Variants in HDHD2 observed in about 807,000 individuals in gnomAD.
HDHD2 encodes haloacid dehalogenase-like hydrolase domain-containing protein 2.
HDHD2 carries 26 observed loss-of-function variants against 24.8 expected under a neutral mutation model. The observed-to-expected ratio is 1.05, with a 90% CI of 0.77 to 1.45. HDHD2 has a LOEUF of 1.45. Ranked by LOEUF, HDHD2 falls within the 40% of genes most tolerant of loss-of-function variation. The pLI is 0.00. For synonymous variants in HDHD2, 128 were observed against 114.9 expected (o/e 1.11, Z -0.73); for missense variants, 299 against 313.4 (o/e 0.95, Z 0.35).
intron 4 of HDHD2, 144 bp from the exon 5 acceptor site, chr18:47,115,492 T>C (rs1365666707): frequency 3.5e-6 from 2 of 576,702 alleles, no homozygotes; most frequent in Non-Finnish European, 6.1e-6. Flanking sequence ...CTTGCTGTCT[T>C]CTAATGAATT....
At position 47,127,710 on chromosome 18, in the gene HDHD2, CA is replaced by C. The variant is rs1235418525; in HGVS notation, c.395+2533del. 2.2e-3 allele frequency among the ~76,000 whole-genome samples: 135 copies of C among 62,502 alleles called. 1 individual carries two copies. The highest frequency in any genetic ancestry group is 7.8e-3 in the Middle Eastern group (1 of 128). 41.0% of individuals were successfully genotyped at this position (62,502 alleles called of 152,430 possible). On this transcript the variant is annotated intron_variant, in intron 4 of 6. Coordinates refer to ENST00000300605, the MANE Select transcript of HDHD2 (RefSeq NM_032124.5). ...TGGATGACAGAGCGAGACTTGGTCTCAAAAAAAAAAAAAAAAAAACCAACCA... is the reference window on the plus strand; with the variant it reads ...TGGATGACAGAGCGAGACTTGGTCTCAAAAAAAAAAAAAAAAAACCAACCA...
intron 3 of HDHD2, among the ~76,000 whole-genome samples, chr18:47,130,566 T>C (rs1228157471): frequency 2.0e-5 from 3 of 152,212 alleles, no homozygotes; most frequent in African/African-American, 7.2e-5. Context: ...CCATATTCCT[T>C]GTGCACAGTC....
intron 4 of HDHD2, among the ~76,000 whole-genome samples, chr18:47,121,315 AG>A (rs2063604844): frequency 6.6e-6 from 1 of 152,050 alleles, no homozygotes; most frequent in Non-Finnish European, 1.5e-5. Flanking sequence ...ACTCCCCAAA[AG>A]TGTTTCTTTC....
intron 4 of HDHD2, among the ~76,000 whole-genome samples, chr18:47,128,976 G>T (rs535213500): frequency 6.6e-6 from 1 of 151,888 alleles, no homozygotes; most frequent in South Asian, 2.1e-4. Flanking sequence ...ACAGATCCTT[G>T]CACTGGTAAG....
intron 1 of HDHD2, among the ~76,000 whole-genome samples, chr18:47,145,379 T>C (rs2063859216): frequency 6.6e-6 from 1 of 152,228 alleles, no homozygotes; most frequent in Non-Finnish European, 1.5e-5. Context: ...ACTTACTTAA[T>C]GAGGTCTTGT....
intron 4 of HDHD2, among the ~76,000 whole-genome samples, chr18:47,124,753 A>C (rs72905489): frequency 0.025 from 3,804 of 151,750 alleles, 57 homozygotes; most frequent in Non-Finnish European, 0.04. Flanking sequence ...CAGTAAGAAA[A>C]AGACATCCCA....
intron 4 of HDHD2, among the ~76,000 whole-genome samples, chr18:47,120,820 G>C (rs943268252): frequency 2.0e-5 from 3 of 152,100 alleles, no homozygotes; most frequent in Non-Finnish European, 4.4e-5. Context: ...GGAATAGGGA[G>C]GCCAGAGGAG....
At chr18:47,146,436 A>G (rs2063871212) in intron 1 of HDHD2, among the ~76,000 whole-genome samples, 1 of 152,186 alleles carries the variant, frequency 6.6e-6, no homozygotes. Flanking sequence ...TTGTACAAGC[A>G]TTTTGGAATC....
At chr18:47,122,793 G>A (rs985575953) in intron 4 of HDHD2, among the ~76,000 whole-genome samples, 4 of 151,618 alleles carry the variant, frequency 2.6e-5, no homozygotes, top group African/African-American at 4.9e-5. Context: ...AAAAATCTAC[G>A]AATACTACAC....
intron 1 of HDHD2, chr18:47,137,160 G>A (rs902112097): frequency 4.2e-6 from 3 of 718,030 alleles, no homozygotes; most frequent in Non-Finnish European, 7.8e-6. Flanking sequence ...AAAGACTATT[G>A]TGAATGACAG....
At chr18:47,117,638 C>T (rs988355324) in intron 4 of HDHD2, among the ~76,000 whole-genome samples, 3 of 152,086 alleles carry the variant, frequency 2.0e-5, no homozygotes, top group African/African-American at 7.2e-5. Flanking sequence ...GTTTTTAATA[C>T]AGAGATAATA....
intron 3 of HDHD2, among the ~76,000 whole-genome samples, chr18:47,131,063 G>A (rs374137448): frequency 5.3e-5 from 8 of 152,108 alleles, no homozygotes; most frequent in African/African-American, 9.6e-5. Context: ...CACAACCTCC[G>A]CCTCCCAGGT....
chr18:47,130,548 A>G (rs1045580745), intron 3 of HDHD2, among the ~76,000 whole-genome samples: 25 of 152,186 alleles, frequency 1.6e-4, no homozygotes, highest in African/African-American at 4.1e-4. Context: ...AGAAAATCTA[A>G]TATTTTTCCA....
chr18:47,124,895 T>C (rs1253505877), intron 4 of HDHD2, among the ~76,000 whole-genome samples: 1 of 152,066 alleles, frequency 6.6e-6, no homozygotes, highest in East Asian at 1.9e-4. Flanking sequence ...CTGGATGCAA[T>C]GGCTCACACC....
At chr18:47,149,663 C>T (rs951031631) in intron 1 of HDHD2, among the ~76,000 whole-genome samples, 3 of 152,148 alleles carry the variant, frequency 2.0e-5, no homozygotes, top group African/African-American at 7.2e-5. Flanking sequence ...ATCTCCTGGC[C>T]AATCCCTTTA....
intron 1 of HDHD2, among the ~76,000 whole-genome samples, chr18:47,142,719 G>A (rs1243946525): frequency 6.6e-6 from 1 of 152,162 alleles, no homozygotes; most frequent in Non-Finnish European, 1.5e-5. Flanking sequence ...AAACATTACA[G>A]CTACACAGGA....
At chr18:47,114,606 G>A (rs2063542244) in intron 5 of HDHD2, among the ~76,000 whole-genome samples, 1 of 152,052 alleles carries the variant, frequency 6.6e-6, no homozygotes, top group Admixed American at 6.6e-5. Flanking sequence ...GACCAGCCAG[G>A]GCCTCCAATC....
Position 47,150,400 on chromosome 18 carries a change from A to G in HDHD2, c.-33T>C, listed in dbSNP as rs1309831796. The G allele has an allele frequency of 6.6e-6, 1 of 152,384 alleles. No homozygotes were observed. Among genetic ancestry groups the G allele is most frequent in the Non-Finnish European group, 1.5e-5 (1 of 68,164 alleles). 9.4% of individuals were successfully genotyped at this position (152,384 alleles called of 1,614,324 possible). ...CACCCACACTCCGTACGCCGTCCTC[A>G]GGAAAGGCCCCCGCTAATGGCAAAG... On this transcript the variant is annotated 5_prime_UTR_variant, in exon 1 of 7. Transcript: ENST00000300605.
chr18:47,134,698 A>G lies in HDHD2; in HGVS notation c.108T>C (p.Arg36=). The G allele has an allele frequency of 1.9e-6, 3 of 1,613,780 alleles. No individual in the cohort carries two copies. The highest frequency in any genetic ancestry group is 2.5e-6 in the Non-Finnish European group (3 of 1,179,752). ...CAAACCTAATGATTACAGAAGCACC[A>G]CGTAACCTGGAGAGGGCCAAATTCA... ...PGAQEALKRL[R]GASVIIRFVT... is the part of the protein sequence containing the mutation. The change falls in exon 3 of 7, where the codon CGT becomes CGC. Residue 36 remains arginine (R), a synonymous_variant. Coordinates refer to ENST00000300605, the MANE Select transcript of HDHD2 (RefSeq NM_032124.5).
Sources: allele counts gnomAD v4.1 joint callset (sites outside exome capture counted in the v4.1 genomes callset), GRCh38; gene constraint gnomAD v4.1.1; transcripts MANE v1.5; gene names NCBI Gene and HGNC (gene_info 2026-07-23, HGNC 2026-07-21).